GABRB1: variants seen among roughly 807,000 people sequenced by gnomAD.
GABRB1 encodes gamma-aminobutyric acid receptor subunit beta-1.
In GABRB1, 17 loss-of-function variants were observed where a neutral mutation model predicts 51.6. That is an observed-to-expected ratio of 0.33 (90% CI 0.23 to 0.49). GABRB1 has a LOEUF of 0.49. Among genes scored for constraint, GABRB1 ranks in the 20% least tolerant of loss-of-function variants. The probability of loss-of-function intolerance (pLI) is 0.99; values close to 1 mark genes in which losing one functional copy is unlikely to be tolerated. For missense variants in GABRB1, 410 were observed against 600.6 expected, an observed-to-expected ratio of 0.68 and a Z score of 3.32; for synonymous variants, 247 against 218.9, an observed-to-expected ratio of 1.13 and a Z score of -1.14.
At chr4:47,158,173 T>A (rs1323706870) in intron 3 of GABRB1, among the ~76,000 whole-genome samples, 2 of 152,050 alleles carry the variant, frequency 1.3e-5, no homozygotes, top group African/African-American at 2.4e-5. Context: ...ATTACCCATG[T>A]TTTTTCCTTT....
intron 1 of GABRB1, among the ~76,000 whole-genome samples, chr4:47,019,643 CT>C (rs1468811038): frequency 1.5e-5 from 2 of 132,100 alleles, no homozygotes; most frequent in Admixed American, 1.7e-4. Context: ...TTCTTTCTTT[CT>C]TTCTTTCTTT....
intron 5 of GABRB1, among the ~76,000 whole-genome samples, chr4:47,337,253 G>A (rs974389081): frequency 1.3e-5 from 2 of 151,906 alleles, no homozygotes; most frequent in African/African-American, 2.4e-5. Flanking sequence ...CCCATCCCCC[G>A]AAAGAAGTGA....
At chr4:47,302,064 G>A (rs572907127) in intron 4 of GABRB1, among the ~76,000 whole-genome samples, 2 of 152,110 alleles carry the variant, frequency 1.3e-5, no homozygotes, top group South Asian at 2.1e-4. Flanking sequence ...TTATAAATTC[G>A]GATATGTACT....
chr4:46,993,912 C>A, exon 1 of GABRB1: 1 of 163,452 alleles, frequency 6.1e-6, no homozygotes, highest in Non-Finnish European at 1.3e-5. Context: ...ACCAATGAAG[C>A]TCCTCTGTCA....
chr4:47,277,777 T>C (rs1040045022), intron 4 of GABRB1, among the ~76,000 whole-genome samples: 5 of 152,086 alleles, frequency 3.3e-5, no homozygotes, highest in Non-Finnish European at 7.4e-5. Context: ...ATTTTGTATT[T>C]CCTACTTCAA....
intron 4 of GABRB1, among the ~76,000 whole-genome samples, chr4:47,313,284 T>A (rs1724772817): frequency 6.6e-6 from 1 of 152,194 alleles, no homozygotes; most frequent in South Asian, 2.1e-4. Flanking sequence ...CATCCTATAC[T>A]TTCATTTGCT....
chr4:47,255,664 G>A (rs1482791318), intron 4 of GABRB1, among the ~76,000 whole-genome samples: 1 of 152,224 alleles, frequency 6.6e-6, no homozygotes, highest in East Asian at 1.9e-4. Context: ...TTCTAAACTT[G>A]AGTGTGCACC....
chr4:47,369,673 T>G (rs571368346), intron 5 of GABRB1, among the ~76,000 whole-genome samples: 1 of 152,184 alleles, frequency 6.6e-6, no homozygotes, highest in African/African-American at 2.4e-5. Flanking sequence ...TAGTTTTCAC[T>G]TGGCAAACTA....
At chr4:47,344,830 C>T (rs1259938807) in intron 5 of GABRB1, among the ~76,000 whole-genome samples, 1 of 152,144 alleles carries the variant, frequency 6.6e-6, no homozygotes, top group African/African-American at 2.4e-5. Context: ...TCAAGCGATT[C>T]TCATGCCTCA....
At chr4:47,022,568 G>A (rs1005926971) in intron 1 of GABRB1, among the ~76,000 whole-genome samples, 10 of 151,830 alleles carry the variant, frequency 6.6e-5, no homozygotes, top group African/African-American at 1.7e-4. Flanking sequence ...ATTCAATCAC[G>A]TCAGAGAAAT....
At chr4:47,332,177 A>G (rs1725508912) in intron 5 of GABRB1, among the ~76,000 whole-genome samples, 1 of 152,204 alleles carries the variant, frequency 6.6e-6, no homozygotes, top group Non-Finnish European at 1.5e-5. Context: ...TAGAATAACA[A>G]TTATTTTGCC....
intron 5 of GABRB1, among the ~76,000 whole-genome samples, chr4:47,379,484 T>C (rs1727520037): frequency 6.6e-6 from 1 of 152,204 alleles, no homozygotes; most frequent in South Asian, 2.1e-4. Context: ...TGAACACATT[T>C]AAAGTAGGCT....
chr4:47,361,452 T>C (rs1007159667), intron 5 of GABRB1, among the ~76,000 whole-genome samples: 2 of 152,052 alleles, frequency 1.3e-5, no homozygotes, highest in African/African-American at 2.4e-5. Context: ...GAGGGGAGCC[T>C]GCAGGAGTTG....
intron 4 of GABRB1, among the ~76,000 whole-genome samples, chr4:47,253,325 T>C (rs905120170): frequency 3.3e-5 from 5 of 152,244 alleles, no homozygotes; most frequent in Admixed American, 1.3e-4. Flanking sequence ...GAGCTCTAAT[T>C]AAAACAGAAA....
intron 3 of GABRB1, among the ~76,000 whole-genome samples, chr4:47,136,706 A>G (rs1445248488): frequency 6.6e-6 from 1 of 152,064 alleles, no homozygotes; most frequent in Non-Finnish European, 1.5e-5. Context: ...CATAGATGAT[A>G]CTATACTTTC....
intron 3 of GABRB1, among the ~76,000 whole-genome samples, chr4:47,085,278 C>T (rs1326269550): frequency 6.6e-6 from 1 of 152,068 alleles, no homozygotes; most frequent in Non-Finnish European, 1.5e-5. Flanking sequence ...ATATTTTTCC[C>T]CTTATGACAT....
intron 8 of GABRB1, among the ~76,000 whole-genome samples, chr4:47,415,925 G>T (rs1447865995): frequency 2.0e-5 from 3 of 152,104 alleles, no homozygotes; most frequent in Non-Finnish European, 4.4e-5. Context: ...TCAGAGAGAT[G>T]ACTCAAAGTA....
At chr4:47,225,747 A>C (rs1720925150) in intron 4 of GABRB1, among the ~76,000 whole-genome samples, 1 of 152,168 alleles carries the variant, frequency 6.6e-6, no homozygotes, top group South Asian at 2.1e-4. Flanking sequence ...TTGCCTTTTT[A>C]AATTCTGATT....
At chr4:47,151,106 A>T (rs1393438315) in intron 3 of GABRB1, among the ~76,000 whole-genome samples, 3 of 151,994 alleles carry the variant, frequency 2.0e-5, no homozygotes, top group Non-Finnish European at 4.4e-5. Flanking sequence ...TAATTTGATA[A>T]AAATCATTCT....
Sources: allele counts gnomAD v4.1 joint callset (sites outside exome capture counted in the v4.1 genomes callset), GRCh38; gene constraint gnomAD v4.1.1; transcripts MANE v1.5; gene names NCBI Gene and HGNC (gene_info 2026-07-23, HGNC 2026-07-21).